Variants in PRPF6 observed in about 807,000 individuals in gnomAD.
PRPF6 encodes pre-mRNA processing factor 6.
A neutral mutation model predicts 118.3 loss-of-function variants in PRPF6; 42 were observed. The observed-to-expected ratio is 0.35, with a 90% CI of 0.28 to 0.46. PRPF6 has a LOEUF of 0.46. Among genes scored for constraint, PRPF6 ranks in the 20% least tolerant of loss-of-function variants. PRPF6 has a pLI of 1.00. For synonymous variants in PRPF6, 481 were observed against 485.1 expected, an observed-to-expected ratio of 0.99 and a Z score of 0.11; for missense variants, 662 against 1,255.7, an observed-to-expected ratio of 0.53 and a Z score of 7.15.
intron 3 of PRPF6, among the ~76,000 whole-genome samples, chr20:63,987,194 G>A (rs1009191319): frequency 3.3e-5 from 5 of 149,774 alleles, no homozygotes; most frequent in Non-Finnish European, 7.4e-5. Flanking sequence ...AAAAAAGGGG[G>A]GGGGAGCATA....
chr20:63,988,733 G>A (rs781557924), intron 3 of PRPF6, among the ~76,000 whole-genome samples: 2 of 151,938 alleles, frequency 1.3e-5, no homozygotes, highest in Non-Finnish European at 2.9e-5. Context: ...GTTGGGCATG[G>A]TGACAGGTGC....
At chr20:63,997,820 G>A (rs1236788400) in intron 6 of PRPF6, among the ~76,000 whole-genome samples, 2 of 151,642 alleles carry the variant, frequency 1.3e-5, no homozygotes, top group Non-Finnish European at 2.9e-5. Context: ...AGTGATCCAC[G>A]TGGCTCGGCC....
chr20:64,029,555 T>A lies in PRPF6; in HGVS notation c.2546+64T>A, dbSNP rs2059305635. 2.2e-6 allele frequency: 3 copies of A among 1,354,660 alleles called. No individual in the cohort carries two copies. The highest frequency in any genetic ancestry group is 2.1e-6 in the Non-Finnish European group (2 of 947,202). The allele number at this position is 1,354,660 out of a possible 1,614,324, so 83.9% of individuals were successfully genotyped here. A position where few individuals can be genotyped will look rare whatever the true frequency, so the allele number is the denominator to read the frequency against. On this transcript the variant is annotated intron_variant, in intron 19 of 20. Transcript: ENST00000266079. This position sits in a 1 kb window ranked among gnomAD's most constrained non-coding sequence, Gnocchi z 4.8. ...CCTAATGGGCTCTTTTTCCAGAGTC[T>A]GTCTGCCTCTTCCTGGTCATTGTAA...
chr20:63,988,573 T>G (rs2059105085), intron 3 of PRPF6, among the ~76,000 whole-genome samples: 1 of 151,892 alleles, frequency 6.6e-6, no homozygotes, highest in Non-Finnish European at 1.5e-5. Context: ...ACTGGGGACA[T>G]TATTAACAGA....
intron 14 of PRPF6, 150 bp from the exon 15 acceptor site, chr20:64,025,789 A>G (rs1332448324): frequency 7.0e-6 from 10 of 1,420,850 alleles, no homozygotes; most frequent in African/African-American, 2.8e-5. Flanking sequence ...CGGCTCTGTC[A>G]TCTCCTCCCT....
chr20:64,028,279 G>T lies in PRPF6; in HGVS notation c.2340-199G>T, dbSNP rs905692165. Among the ~76,000 whole-genome samples, 1 of 152,236 alleles carries T rather than the reference G, an allele frequency of 6.6e-6. No individual in the cohort carries two copies. The highest frequency in any genetic ancestry group is 2.4e-5 in the African/African-American group (1 of 41,464). ...CGTCAGGATCTGAGGTCTTGCCTTGGGGCGGTTGCCAGTGGGGCTGGCAGG... is the reference window on the plus strand; with the variant it reads ...CGTCAGGATCTGAGGTCTTGCCTTGTGGCGGTTGCCAGTGGGGCTGGCAGG... On this transcript the variant is annotated intron_variant, in intron 17 of 20. Coordinates refer to ENST00000266079, the MANE Select transcript of PRPF6 (RefSeq NM_012469.4). This position sits in a 1 kb window ranked among gnomAD's most constrained non-coding sequence, Gnocchi z 6.5.
chr20:63,996,739 C>T (rs2059142523), intron 6 of PRPF6, among the ~76,000 whole-genome samples: 1 of 152,072 alleles, frequency 6.6e-6, no homozygotes, highest in South Asian at 2.1e-4. Context: ...CCAGCCTGGG[C>T]AACATGGTGA....
intron 8 of PRPF6, among the ~76,000 whole-genome samples, chr20:64,000,680 T>C (rs1180312171): frequency 6.6e-6 from 1 of 151,748 alleles, no homozygotes; most frequent in Non-Finnish European, 1.5e-5. Flanking sequence ...GCAATTCTCC[T>C]GCCTCAGCCT....
intron 11 of PRPF6, among the ~76,000 whole-genome samples, chr20:64,015,837 A>G (rs2059234691): frequency 6.6e-6 from 1 of 152,180 alleles, no homozygotes; most frequent in African/African-American, 2.4e-5. Context: ...TCTTGAAAAT[A>G]AGAATAGGGG....
intron 20 of PRPF6, 127 bp downstream of exon 20, chr20:64,032,171 C>T (rs1248715697): frequency 1.2e-5 from 17 of 1,454,404 alleles, no homozygotes; most frequent in East Asian, 1.2e-4. Flanking sequence ...GAGGATGGAC[C>T]GGGTGTGTGG....
chr20:63,990,361 C>T (rs2059113086), intron 3 of PRPF6, among the ~76,000 whole-genome samples: 1 of 152,172 alleles, frequency 6.6e-6, no homozygotes, highest in Admixed American at 6.6e-5. Context: ...GCTGGGATTA[C>T]AGACATAAGT....
intron 6 of PRPF6, among the ~76,000 whole-genome samples, chr20:63,998,028 C>T (rs1194299839): frequency 6.6e-6 from 1 of 152,196 alleles, no homozygotes; most frequent in Non-Finnish European, 1.5e-5. Context: ...AATAATGCTG[C>T]TGTGAATACG....
intron 13 of PRPF6, 120 bp from the exon 14 acceptor site, chr20:64,024,435 T>G (rs2059278859): frequency 3.0e-6 from 4 of 1,335,666 alleles, no homozygotes; most frequent in Non-Finnish European, 4.3e-6. Context: ...GGTCAATCAT[T>G]TATAGCATCG....
Position 63,993,313 on chromosome 20 carries a change from ATTGTTC to A in PRPF6, c.360-91_360-86del, listed in dbSNP as rs1601512843. On this transcript the variant is annotated intron_variant, in intron 3 of 20. Transcript: ENST00000266079. ...TTGATTTAGCTACTAAGAGTATGGAATTGTTCTTTTTGGTGATTTAATTGAGATGGA... is the reference window on the plus strand; with the variant it reads ...TTGATTTAGCTACTAAGAGTATGGAATTTTTGGTGATTTAATTGAGATGGA... The A allele has an allele frequency of 8.2e-6, 6 of 736,088 alleles. No individual in the cohort carries two copies. The East Asian group carries it at 1.8e-4, about 22-fold the overall frequency. 45.6% of individuals were successfully genotyped at this position (736,088 alleles called of 1,614,324 possible).
chr20:64,027,901 A>C lies in PRPF6; in HGVS notation c.2339+165A>C, dbSNP rs2059298319. On this transcript the variant is annotated intron_variant, in intron 17 of 20. Transcript: ENST00000266079. This position sits in a 1 kb window ranked among gnomAD's most constrained non-coding sequence, Gnocchi z 6.5. ...GAAAAATCACGGTCCCTGCCTTAGGAGAGTTCGGCCTAGGTACTGTGACAG... is the reference window on the plus strand; with the variant it reads ...GAAAAATCACGGTCCCTGCCTTAGGCGAGTTCGGCCTAGGTACTGTGACAG... Among the ~76,000 whole-genome samples, 1 of 151,988 alleles carries C rather than the reference A, an allele frequency of 6.6e-6. No homozygotes were observed. Among genetic ancestry groups the C allele is most frequent in the African/African-American group, 2.4e-5 (1 of 41,352 alleles).
At chr20:64,010,513 C>G (rs1180775132) in intron 10 of PRPF6, among the ~76,000 whole-genome samples, 195 bp downstream of exon 10, 6 of 152,268 alleles carry the variant, frequency 3.9e-5, no homozygotes, top group Non-Finnish European at 8.8e-5. Flanking sequence ...GTGGCCTCAG[C>G]TAGCTGTGCT....
At chr20:64,007,931 C>T (rs1437476737) in intron 9 of PRPF6, among the ~76,000 whole-genome samples, 2 of 152,144 alleles carry the variant, frequency 1.3e-5, no homozygotes, top group Non-Finnish European at 2.9e-5. Flanking sequence ...TGCATGCCAC[C>T]ATACCTGGCT....
At chr20:63,988,387 G>A (rs73626405) in intron 3 of PRPF6, among the ~76,000 whole-genome samples, 1 of 150,186 alleles carries the variant, frequency 6.7e-6, no homozygotes, top group East Asian at 1.9e-4. Context: ...GTCCCAGCTA[G>A]TTGGGAGGCT....
At chr20:63,994,761 C>A (rs957601062) in intron 4 of PRPF6, among the ~76,000 whole-genome samples, 155 bp from the exon 5 acceptor site, 5 of 152,122 alleles carry the variant, frequency 3.3e-5, no homozygotes, top group Non-Finnish European at 5.9e-5. Context: ...CAGAATGAGA[C>A]CCATCTCAAA....
Sources: gnomAD v4.1 joint callset for allele counts (sites outside exome capture counted in the v4.1 genomes callset) on GRCh38, gnomAD v4.1.1 for gene constraint, Gnocchi (gnomAD v3.1) non-coding constraint, MANE v1.5 for transcripts, NCBI Gene and HGNC (gene_info 2026-07-23, HGNC 2026-07-21) for gene names.